The following TTC29 variants were observed in gnomAD, a reference collection of about 807,000 sequenced individuals.
TTC29 encodes tetratricopeptide repeat protein 29.
In TTC29, 49 loss-of-function variants were observed where a neutral mutation model predicts 58.1. That is an observed-to-expected ratio of 0.84 (90% confidence interval 0.67 to 1.07). The LOEUF (loss-of-function observed/expected upper bound fraction) is 1.07, where lower values mean the gene tolerates loss of function less well. TTC29 is among the 50% of genes least tolerant of loss of function. The probability of loss-of-function intolerance (pLI) is 0.00; values close to 1 mark genes in which losing one functional copy is unlikely to be tolerated. For synonymous variants in TTC29, 209 were observed against 196.8 expected, an observed-to-expected ratio of 1.06 and a Z score of -0.52; for missense variants, 582 against 555.6, an observed-to-expected ratio of 1.05 and a Z score of -0.48.
intron 8 of TTC29, among the ~76,000 whole-genome samples, chr4:146,860,728 G>A (rs757039748): frequency 2.6e-5 from 4 of 151,984 alleles, no homozygotes; most frequent in East Asian, 1.9e-4. Context: ...TTCAGACTGC[G>A]GTTGACCACC....
chr4:146,734,067 C>G (rs901814609), intron 11 of TTC29, among the ~76,000 whole-genome samples: 2 of 152,116 alleles, frequency 1.3e-5, no homozygotes, highest in Non-Finnish European at 2.9e-5. Context: ...AGCTACAAAA[C>G]TTTTAAATCC....
chr4:146,858,746 G>A (rs1397467391), intron 8 of TTC29, among the ~76,000 whole-genome samples: 2 of 152,274 alleles, frequency 1.3e-5, no homozygotes, highest in South Asian at 2.1e-4. Context: ...AGTTAGAGTA[G>A]GATTATCCGC....
At chr4:146,910,153 A>T (rs749547281) in intron 4 of TTC29, among the ~76,000 whole-genome samples, 1 of 152,062 alleles carries the variant, frequency 6.6e-6, no homozygotes, top group Non-Finnish European at 1.5e-5. Context: ...TACTACTGGC[A>T]ACAAAAATTC....
intron 6 of TTC29, among the ~76,000 whole-genome samples, chr4:146,898,212 A>G (rs1732906513): frequency 6.6e-6 from 1 of 152,182 alleles, no homozygotes; most frequent in African/African-American, 2.4e-5. Context: ...TCTCTATGAG[A>G]TCAAAACGGG....
intron 11 of TTC29, among the ~76,000 whole-genome samples, chr4:146,708,139 G>C (rs1417702561): frequency 6.6e-6 from 1 of 151,634 alleles, no homozygotes; most frequent in Non-Finnish European, 1.5e-5. Flanking sequence ...ACGTCCAGAC[G>C]AGCCCTGCCT....
Position 146,718,415 on chromosome 4 carries a change from G to A in TTC29, c.1331-10864C>T, listed in dbSNP as rs1005067640. On this transcript the variant is annotated intron_variant, in intron 11 of 12. Transcript: ENST00000325106. ...TTTTTGGTAACAGCCGTTCTAACAG[G>A]TGTGGTTTGATATCTCATTGTGACT... is the stretch of plus-strand genomic sequence containing the variant. Among the ~76,000 whole-genome samples the A allele has an allele frequency of 5.3e-5, 8 of 152,086 alleles. No individual in the cohort carries two copies. The South Asian group carries it at 1.7e-3, about 32-fold the overall frequency.
At chr4:146,796,417 TGAG>T (rs1272977894) in intron 11 of TTC29, among the ~76,000 whole-genome samples, 1 of 152,130 alleles carries the variant, frequency 6.6e-6, no homozygotes, top group African/African-American at 2.4e-5. Context: ...AATTTTCAAA[TGAG>T]AAACTTACAC....
intron 10 of TTC29, among the ~76,000 whole-genome samples, chr4:146,818,134 G>T (rs2150137177): frequency 6.6e-6 from 1 of 152,268 alleles, no homozygotes. Context: ...ACTACCATCA[G>T]AGTGAACAGG....
At chr4:146,842,994 G>A (rs952286207) in intron 8 of TTC29, among the ~76,000 whole-genome samples, 10 of 152,136 alleles carry the variant, frequency 6.6e-5, no homozygotes, top group Non-Finnish European at 2.9e-5. Flanking sequence ...CTCATTTACA[G>A]TGTCTGAACA....
At chr4:146,801,280 A>G (rs78591172) in intron 11 of TTC29, among the ~76,000 whole-genome samples, 9,044 of 152,282 alleles carry the variant, frequency 0.059, 376 homozygotes, top group Admixed American at 0.13. Context: ...AAATATGTTT[A>G]TGTAAACAAA....
chr4:146,712,594 A>G (rs1208784624), intron 11 of TTC29, among the ~76,000 whole-genome samples: 1 of 152,140 alleles, frequency 6.6e-6, no homozygotes, highest in Non-Finnish European at 1.5e-5. Flanking sequence ...TATTTCTTGT[A>G]CTTGCTTGCC....
intron 11 of TTC29, among the ~76,000 whole-genome samples, chr4:146,751,924 A>AT (rs1746032469): frequency 1.3e-5 from 2 of 152,280 alleles, no homozygotes; most frequent in South Asian, 4.1e-4. Flanking sequence ...AATAAACAAA[A>AT]TTGACAAACT....
chr4:146,887,434 G>C (rs1181425560), intron 6 of TTC29, among the ~76,000 whole-genome samples: 1 of 151,926 alleles, frequency 6.6e-6, no homozygotes, highest in Non-Finnish European at 1.5e-5. Context: ...CATGTGTAGA[G>C]ATTGTTTGTG....
intron 4 of TTC29, among the ~76,000 whole-genome samples, chr4:146,913,582 C>G (rs557420542): frequency 2.6e-5 from 4 of 152,178 alleles, no homozygotes; most frequent in Non-Finnish European, 4.4e-5. Context: ...AAACCAGAGG[C>G]AAGCAACATA....
intron 11 of TTC29, among the ~76,000 whole-genome samples, chr4:146,729,543 T>C (rs1212560659): frequency 6.6e-6 from 1 of 152,208 alleles, no homozygotes; most frequent in African/African-American, 2.4e-5. Context: ...ATGTCTGCTC[T>C]GTGAAATCAG....
chr4:146,844,533 C>CT (rs1057306963), intron 8 of TTC29, among the ~76,000 whole-genome samples: 8 of 151,980 alleles, frequency 5.3e-5, no homozygotes, highest in African/African-American at 1.9e-4. Flanking sequence ...TCTTAACCTT[C>CT]TTTTTTTTGT....
At chr4:146,794,207 A>G (rs1301660399) in intron 11 of TTC29, among the ~76,000 whole-genome samples, 3 of 152,156 alleles carry the variant, frequency 2.0e-5, no homozygotes, top group Admixed American at 2.0e-4. Context: ...CATTCACATG[A>G]GAGGTAGTTA....
rs1181810782 is a variant in TTC29 at position 146,744,997 on chromosome 4, A to G, written c.1331-37446T>C. Among the ~76,000 whole-genome samples the G allele has an allele frequency of 2.0e-5, 3 of 152,340 alleles. No individual in the cohort carries two copies. The East Asian group carries it at 5.8e-4, about 29-fold the overall frequency. ...TGGAGAAGAATCCCTGTCATTCATC[A>G]TCAATAGTCCACTTAACCAAGATTC... On this transcript the variant is annotated intron_variant, in intron 11 of 12. Transcript: ENST00000325106.
chr4:146,809,223 T>C (rs878923897), intron 10 of TTC29, among the ~76,000 whole-genome samples: 6 of 149,936 alleles, frequency 4.0e-5, no homozygotes, highest in Admixed American at 1.4e-4. Flanking sequence ...TTACACCTTA[T>C]ACAAAAATTA....
Sources: allele counts gnomAD v4.1 joint callset (sites outside exome capture counted in the v4.1 genomes callset), GRCh38; gene constraint gnomAD v4.1.1; transcripts MANE v1.5; gene names NCBI Gene and HGNC (gene_info 2026-07-23, HGNC 2026-07-21).